Variants in NKAIN3 observed in about 807,000 individuals in gnomAD.
NKAIN3 encodes sodium/potassium-transporting ATPase subunit beta-1-interacting protein 3.
In NKAIN3, 25 loss-of-function variants were observed where a neutral mutation model predicts 30.2. The ratio of observed to expected loss-of-function variants is 0.83; its 90% CI spans 0.60 to 1.16. The LOEUF is 1.16. Ranked by LOEUF, NKAIN3 falls within the 50% of genes most tolerant of loss-of-function variation. NKAIN3 has a pLI of 0.00. For missense variants in NKAIN3, 225 were observed against 254.1 expected (o/e 0.89, Z 0.78); for synonymous variants, 91 against 89.6 (o/e 1.02, Z -0.09).
chr8:62,480,986 C>T (rs1192022967), intron 1 of NKAIN3, among the ~76,000 whole-genome samples: 1 of 152,134 alleles, frequency 6.6e-6, no homozygotes. Flanking sequence ...CCTCACCTTC[C>T]TGAACTGCCA....
intron 1 of NKAIN3, among the ~76,000 whole-genome samples, chr8:62,564,087 A>G (rs1011391242): frequency 4.6e-5 from 7 of 152,186 alleles, no homozygotes; most frequent in Non-Finnish European, 7.3e-5. Context: ...CAAAACGGTG[A>G]TTTTCTTCCC....
Position 62,388,350 on chromosome 8 carries a change from G to A in NKAIN3, c.54+139223G>A, listed in dbSNP as rs565858832. Among the ~76,000 whole-genome samples, 71 of 152,304 alleles carry A rather than the reference G, an allele frequency of 4.7e-4. 1 individual carries two copies. The South Asian group carries it at 0.015, about 32-fold the overall frequency. On this transcript the variant is annotated intron_variant, in intron 1 of 6. Coordinates refer to ENST00000623646, the MANE Select transcript of NKAIN3 (RefSeq NM_001304533.3). Reference sequence around the variant, plus strand: ...CTTGTCTTTGTTCATCTAAAATTTAGCTACCTCCAAGCTAATAGTTGAAGA... The same window carrying A: ...CTTGTCTTTGTTCATCTAAAATTTAACTACCTCCAAGCTAATAGTTGAAGA...
intron 4 of NKAIN3, among the ~76,000 whole-genome samples, chr8:62,807,408 A>G (rs1344451081): frequency 6.6e-6 from 1 of 151,850 alleles, no homozygotes. Flanking sequence ...TTGTGTGTCT[A>G]TTTACTATAT....
At chr8:62,511,555 G>C (rs562633502) in intron 1 of NKAIN3, among the ~76,000 whole-genome samples, 29 of 152,194 alleles carry the variant, frequency 1.9e-4, no homozygotes, top group Middle Eastern at 3.4e-3. Context: ...TCTTTCCAAG[G>C]GTTCCTGATA....
At chr8:62,523,199 A>G (rs1456829048) in intron 1 of NKAIN3, among the ~76,000 whole-genome samples, 1 of 152,192 alleles carries the variant, frequency 6.6e-6, no homozygotes, top group Non-Finnish European at 1.5e-5. Context: ...GTAAAATAAC[A>G]TGCCGTACAG....
In NKAIN3 at chr8:62,970,209, A is replaced by G. The variant is rs11991038; in HGVS notation, c.*4802A>G. On this transcript the variant is annotated 3_prime_UTR_variant, in exon 7 of 7. Transcript: ENST00000623646. ...CACTCCAGCCTAGGCAATACAGCAA[A>G]AGCCTGTCTCTAAAAAGAGAGAGAG... Among the ~76,000 whole-genome samples the G allele has an allele frequency of 0.12, 17,755 of 152,134 alleles. 1,195 individuals are homozygous for G. The highest frequency in any genetic ancestry group is 0.22 in the East Asian group (1,131 of 5,162).
chr8:62,907,010 C>T (rs1243214060), intron 4 of NKAIN3, among the ~76,000 whole-genome samples: 1 of 152,140 alleles, frequency 6.6e-6, no homozygotes, highest in Non-Finnish European at 1.5e-5. Context: ...GTTTGGAACT[C>T]CCTAGAGACT....
intron 1 of NKAIN3, among the ~76,000 whole-genome samples, chr8:62,265,025 G>T (rs892200467): frequency 6.6e-6 from 1 of 152,144 alleles, no homozygotes; most frequent in Non-Finnish European, 1.5e-5. Context: ...CCTAAGAAAA[G>T]AGTGATATCA....
At chr8:62,617,651 T>C (rs1811499955) in intron 3 of NKAIN3, among the ~76,000 whole-genome samples, 2 of 152,174 alleles carry the variant, frequency 1.3e-5, no homozygotes, top group South Asian at 4.1e-4. Context: ...AGAAAGTAAA[T>C]AATTTAATCC....
chr8:62,290,331 G>A (rs1388957479), intron 1 of NKAIN3, among the ~76,000 whole-genome samples: 5 of 152,116 alleles, frequency 3.3e-5, no homozygotes, highest in Non-Finnish European at 5.9e-5. Context: ...AGTTTTCAAA[G>A]GGAATGCTTC....
At chr8:62,293,050 G>A (rs1813702863) in intron 1 of NKAIN3, among the ~76,000 whole-genome samples, 1 of 152,118 alleles carries the variant, frequency 6.6e-6, no homozygotes, top group African/African-American at 2.4e-5. Context: ...CATGCATCGT[G>A]TAGTTCTGAT....
intron 3 of NKAIN3, among the ~76,000 whole-genome samples, chr8:62,608,185 A>G (rs1202037189): frequency 6.6e-6 from 1 of 152,158 alleles, no homozygotes; most frequent in Non-Finnish European, 1.5e-5. Flanking sequence ...TTATAAAGTG[A>G]TGGCAATTCT....
chr8:62,863,955 T>C, intron 4 of NKAIN3: 1 of 893,366 alleles, frequency 1.1e-6, no homozygotes, highest in Non-Finnish European at 1.9e-6. Context: ...GTGGCGGTGG[T>C]GGTGGTGGAG....
chr8:62,968,456 C>T lies in NKAIN3; in HGVS notation c.*3049C>T, dbSNP rs2130911740. 6.6e-6 allele frequency among the ~76,000 whole-genome samples: 1 copy of T among 152,296 alleles called. No individual in the cohort carries two copies. The highest frequency in any genetic ancestry group is 2.4e-5 in the African/African-American group (1 of 41,568). ...GTATGTTCTTGCCAAACCTCAGCTT[C>T]TCCATATGCAATTGTGTGTCTGGTC... is the stretch of plus-strand genomic sequence containing the variant. On this transcript the variant is annotated 3_prime_UTR_variant, in exon 7 of 7. Coordinates refer to ENST00000623646, the MANE Select transcript of NKAIN3 (RefSeq NM_001304533.3).
chr8:62,788,391 T>C (rs1387053145), intron 4 of NKAIN3, among the ~76,000 whole-genome samples: 2 of 152,326 alleles, frequency 1.3e-5, no homozygotes, highest in East Asian at 3.9e-4. Flanking sequence ...GGTTGTTTTT[T>C]TCTTGTAAAT....
Position 62,941,398 on chromosome 8 carries a change from T to C in NKAIN3, c.533-12504T>C, listed in dbSNP as rs555785481. ...AGAAGAAATTCTTCCTCAATCATTC[T>C]ATGAAGCCACTATCACCCTAAGACC... On this transcript the variant is annotated intron_variant, in intron 5 of 6. Coordinates refer to ENST00000623646, the MANE Select transcript of NKAIN3 (RefSeq NM_001304533.3). Among the ~76,000 whole-genome samples, 3 of 152,252 alleles carry C rather than the reference T, an allele frequency of 2.0e-5. No homozygotes were observed. In the South Asian group the frequency reaches 6.2e-4, roughly 32 times the overall value.
chr8:62,446,265 C>G (rs13265808), intron 1 of NKAIN3, among the ~76,000 whole-genome samples: 1 of 151,768 alleles, frequency 6.6e-6, no homozygotes, highest in South Asian at 2.1e-4. Flanking sequence ...TGATCAGACA[C>G]GATTATAACA....
intron 5 of NKAIN3, among the ~76,000 whole-genome samples, chr8:62,945,113 C>T (rs1284939426): frequency 6.6e-6 from 1 of 151,922 alleles, no homozygotes; most frequent in East Asian, 1.9e-4. Flanking sequence ...AAAATTTTTC[C>T]CTTATAAAGT....
At chr8:62,279,467 G>A (rs910563906) in intron 1 of NKAIN3, among the ~76,000 whole-genome samples, 17 of 152,148 alleles carry the variant, frequency 1.1e-4, no homozygotes, top group African/African-American at 2.7e-4. Context: ...GTCCTGAATG[G>A]TATTGCCTAG....
Sources: allele counts gnomAD v4.1 joint callset (sites outside exome capture counted in the v4.1 genomes callset), GRCh38; gene constraint gnomAD v4.1.1; transcripts MANE v1.5; gene names NCBI Gene and HGNC (gene_info 2026-07-23, HGNC 2026-07-21).